The following FRMD5 variants were observed in gnomAD, a reference collection of about 807,000 sequenced individuals.
The protein encoded by FRMD5 is FERM domain-containing protein 5.
A neutral mutation model predicts 69.0 loss-of-function variants in FRMD5; 20 were observed. The ratio of observed to expected loss-of-function variants is 0.29; its 90% CI spans 0.20 to 0.42. The LOEUF (loss-of-function observed/expected upper bound fraction) is 0.42, where lower values mean the gene tolerates loss of function less well. FRMD5 is among the 10% of genes least tolerant of loss of function. The probability of loss-of-function intolerance (pLI) is 1.00; values close to 1 mark genes in which losing one functional copy is unlikely to be tolerated. For synonymous variants in FRMD5, 271 were observed against 260.1 expected (o/e 1.04, Z -0.40); for missense variants, 595 against 708.6 (o/e 0.84, Z 1.82).
chr15:44,085,891 A>C (rs1364372677), intron 1 of FRMD5, among the ~76,000 whole-genome samples: 1 of 152,170 alleles, frequency 6.6e-6, no homozygotes, highest in African/African-American at 2.4e-5. Context: ...ATCAATAATG[A>C]AATGGAGACT....
chr15:43,927,430 T>C (rs2089604002), intron 1 of FRMD5, among the ~76,000 whole-genome samples: 2 of 152,200 alleles, frequency 1.3e-5, no homozygotes, highest in Admixed American at 1.3e-4. Context: ...CACTGGGACT[T>C]CTGGGTGGTG....
At chr15:44,125,374 C>A (rs1352254837) in intron 1 of FRMD5, among the ~76,000 whole-genome samples, 2 of 152,104 alleles carry the variant, frequency 1.3e-5, no homozygotes, top group African/African-American at 4.8e-5. Flanking sequence ...CAGAGAAGAA[C>A]AGGAAATAGA....
chr15:44,122,518 G>T (rs1023496410), intron 1 of FRMD5, among the ~76,000 whole-genome samples: 1 of 151,954 alleles, frequency 6.6e-6, no homozygotes, highest in Admixed American at 6.6e-5. Flanking sequence ...GGCAGAGGTT[G>T]CAGTAAGCAG....
chr15:44,044,779 GGGA>G (rs751294690), intron 1 of FRMD5, among the ~76,000 whole-genome samples: 1 of 152,122 alleles, frequency 6.6e-6, no homozygotes, highest in Non-Finnish European at 1.5e-5. Flanking sequence ...GGGGGGCTAG[GGGA>G]GAGATAGCAT....
upstream of FRMD5, among the ~76,000 whole-genome samples, chr15:44,197,984 T>A (rs1266069140): frequency 6.6e-6 from 1 of 152,080 alleles, no homozygotes; most frequent in Non-Finnish European, 1.5e-5. Context: ...CCTATGTCAA[T>A]GTGTTAAGTA....
intron 9 of FRMD5, 32 bp downstream of exon 9, chr15:43,888,777 C>T (rs779081282): frequency 6.3e-7 from 1 of 1,581,064 alleles, no homozygotes; most frequent in South Asian, 1.1e-5. Context: ...ATCACCCCAG[C>T]CCTCCTTGAA....
chr15:44,156,291 G>A (rs572993594), intron 1 of FRMD5, among the ~76,000 whole-genome samples: 1 of 152,068 alleles, frequency 6.6e-6, no homozygotes, highest in African/African-American at 2.4e-5. Flanking sequence ...CTACAAGCAG[G>A]CGCCACCACG....
chr15:44,090,057 T>C (rs2076450024), intron 1 of FRMD5, among the ~76,000 whole-genome samples: 1 of 152,130 alleles, frequency 6.6e-6, no homozygotes, highest in Non-Finnish European at 1.5e-5. Flanking sequence ...CTCACTTCAC[T>C]TGAACTTAAT....
chr15:43,934,499 G>A (rs1466678913), intron 1 of FRMD5, among the ~76,000 whole-genome samples: 2 of 152,108 alleles, frequency 1.3e-5, no homozygotes, highest in African/African-American at 4.8e-5. Context: ...ACAGGTAGAT[G>A]TTTATTGCTA....
At chr15:44,020,806 C>T (rs1423299871) in intron 1 of FRMD5, among the ~76,000 whole-genome samples, 1 of 152,132 alleles carries the variant, frequency 6.6e-6, no homozygotes, top group African/African-American at 2.4e-5. Context: ...TTGTTGATTT[C>T]AGTGGTGTAA....
chr15:44,131,481 T>C (rs2077096609), intron 1 of FRMD5, among the ~76,000 whole-genome samples: 1 of 152,150 alleles, frequency 6.6e-6, no homozygotes, highest in Non-Finnish European at 1.5e-5. Flanking sequence ...CAGAGAGATA[T>C]CTGTATACCC....
At chr15:43,990,272 A>G (rs1468612950) in intron 1 of FRMD5, 5 of 330,972 alleles carry the variant, frequency 1.5e-5, no homozygotes, top group Admixed American at 1.2e-4. Flanking sequence ...CAGCAGAAAC[A>G]TAAGTTTTAT....
intron 1 of FRMD5, among the ~76,000 whole-genome samples, chr15:44,163,189 A>G (rs2077652800): frequency 6.9e-6 from 1 of 144,948 alleles, no homozygotes; most frequent in South Asian, 2.1e-4. Flanking sequence ...AACAAAACAA[A>G]AAAACCCCTA....
intron 1 of FRMD5, among the ~76,000 whole-genome samples, chr15:44,027,575 TGCCACTTTCACGGCA>T (rs1462707833): frequency 1.3e-5 from 2 of 151,872 alleles, no homozygotes; most frequent in Non-Finnish European, 2.9e-5. Context: ...ATTTTGGTCA[TGCCACTTTCACGGCA>T]GAAGGAATAA....
chr15:43,993,287 G>T (rs1889769808), intron 1 of FRMD5, among the ~76,000 whole-genome samples: 1 of 152,124 alleles, frequency 6.6e-6, no homozygotes, highest in Non-Finnish European at 1.5e-5. Flanking sequence ...GGAACTCCCA[G>T]GTTCAAGCAA....
chr15:43,924,442 T>C (rs955496961), intron 1 of FRMD5, 133 bp from the exon 2 acceptor site: 76 of 644,266 alleles, frequency 1.2e-4, no homozygotes, highest in Middle Eastern at 3.5e-4. Context: ...CATAACTATG[T>C]CCTCCACATT....
intron 13 of FRMD5, 45 bp from the exon 14 acceptor site, chr15:43,874,507 C>T: frequency 6.8e-7 from 1 of 1,466,480 alleles, no homozygotes; most frequent in Non-Finnish European, 9.5e-7. Flanking sequence ...CCCAATGCAC[C>T]CTTTGCTTTC....
At chr15:44,095,362 T>G (rs2076537092) in intron 1 of FRMD5, among the ~76,000 whole-genome samples, 1 of 151,976 alleles carries the variant, frequency 6.6e-6, no homozygotes, top group Non-Finnish European at 1.5e-5. Context: ...ACCACGACAC[T>G]TGGCTAATTT....
At chr15:44,053,202 A>G (rs1892738169) in intron 1 of FRMD5, among the ~76,000 whole-genome samples, 2 of 152,230 alleles carry the variant, frequency 1.3e-5, no homozygotes, top group South Asian at 4.1e-4. Flanking sequence ...AATGTGGTAC[A>G]TTAAAAAGCT....
Sources: gnomAD v4.1 joint callset for allele counts (sites outside exome capture counted in the v4.1 genomes callset) on GRCh38, gnomAD v4.1.1 for gene constraint, MANE v1.5 for transcripts, NCBI Gene and HGNC (gene_info 2026-07-23, HGNC 2026-07-21) for gene names.